Variants in UROS observed in about 807,000 individuals in gnomAD.
UROS encodes the protein uroporphyrinogen III synthase, also known as uroporphyrinogen-III synthase.
Under a neutral mutation model 33.0 loss-of-function variants are expected in UROS, and 18 were observed. The observed-to-expected ratio is 0.55, with a 90% confidence interval of 0.38 to 0.81. The LOEUF (loss-of-function observed/expected upper bound fraction) is 0.81, where lower values mean the gene tolerates loss of function less well. UROS is among the 30% of genes least tolerant of loss of function. The pLI, the probability that UROS is intolerant of heterozygous loss-of-function variation, is 0.00. For missense variants in UROS, 293 were observed against 314.9 expected (o/e 0.93, Z 0.53); for synonymous variants, 114 against 121.1 (o/e 0.94, Z 0.38).
chr10:125,796,933 T>G, intron 7 of UROS: 1 of 834,664 alleles, frequency 1.2e-6, no homozygotes, highest in Non-Finnish European at 1.4e-6. Context: ...TATTGCCATT[T>G]CATATCCCTG....
At chr10:125,814,109 A>G (rs1182728421) in intron 4 of UROS, among the ~76,000 whole-genome samples, 2 of 152,220 alleles carry the variant, frequency 1.3e-5, no homozygotes, top group Non-Finnish European at 2.9e-5. Flanking sequence ...CACAGGAAAA[A>G]GTATTCAGGA....
chr10:125,802,816 T>C, intron 6 of UROS: 1 of 1,468,360 alleles, frequency 6.8e-7, no homozygotes, highest in Non-Finnish European at 9.0e-7. Context: ...TGCGAGGCCC[T>C]GTGCGCTCCT....
intron 1 of UROS, 86 bp from the exon 2 acceptor site, chr10:125,816,611 A>C (rs1853351573): frequency 2.3e-6 from 3 of 1,330,430 alleles, no homozygotes; most frequent in South Asian, 1.2e-5. Flanking sequence ...CACAAGAAGA[A>C]GGCAATCAAA....
rs561513926 is a variant in UROS, at chr10:125,815,264, C to T, written c.148-134G>A. 26 of 964,470 alleles carry T rather than the reference C, an allele frequency of 2.7e-5. No homozygotes were observed. In the South Asian group the frequency reaches 3.6e-4, roughly 13 times the overall value. 59.7% of individuals were successfully genotyped at this position (964,470 alleles called of 1,614,324 possible). On this transcript the variant is annotated intron_variant, in intron 3 of 9. Coordinates refer to ENST00000368797, the MANE Select transcript of UROS (RefSeq NM_000375.3). ...TAATTCCTTCCACCCATCCCCCCAA[C>T]ACTTACTGAGTGCTTACTATGTGCC...
intron 8 of UROS, 75 bp from the exon 9 acceptor site, chr10:125,795,053 C>T: frequency 7.0e-7 from 1 of 1,424,700 alleles, no homozygotes; most frequent in Admixed American, 1.7e-5. Context: ...GCTTCATCCG[C>T]ATCAAGACCT....
intron 5 of UROS, 34 bp from the exon 6 acceptor site, chr10:125,807,521 C>T (rs370666580): frequency 2.0e-5 from 31 of 1,553,488 alleles, no homozygotes; most frequent in African/African-American, 4.1e-5. Flanking sequence ...TTTCTTAACA[C>T]GGTTATTGAA....
At chr10:125,802,085 A>G in intron 6 of UROS, 1 of 985,490 alleles carries the variant, frequency 1.0e-6, no homozygotes, top group Non-Finnish European at 1.2e-6. Flanking sequence ...ATTTATTTCT[A>G]CATTTTTAAA....
At chr10:125,818,017 T>A (rs1175825312) in intron 1 of UROS, among the ~76,000 whole-genome samples, 1 of 152,198 alleles carries the variant, frequency 6.6e-6, no homozygotes, top group Non-Finnish European at 1.5e-5. Flanking sequence ...TCTTAGGTAA[T>A]AAAACCGATG....
intron 3 of UROS, 74 bp downstream of exon 3, chr10:125,816,103 T>C: frequency 7.3e-7 from 1 of 1,376,554 alleles, no homozygotes; most frequent in Non-Finnish European, 1.0e-6. Context: ...GACAGTAAAA[T>C]AGTCCCTCTC....
chr10:125,798,949 A>G lies in UROS; in HGVS notation c.395-804T>C, dbSNP rs146920595. Among the ~76,000 whole-genome samples, 700 of 152,356 alleles carry G rather than the reference A, an allele frequency of 4.6e-3. 3 individuals are homozygous for G. The highest frequency in any genetic ancestry group is 0.015 in the African/African-American group (639 of 41,580). ...ATGTGAAAACACAGCATTTTAGTAG[A>G]ACCAGCCATTACCCCCCACATCCAT... On this transcript the variant is annotated intron_variant, in intron 6 of 9. Coordinates refer to ENST00000368797, the MANE Select transcript of UROS (RefSeq NM_000375.3).
chr10:125,807,566 A>G (rs1428191675), intron 5 of UROS, 79 bp from the exon 6 acceptor site: 16 of 1,088,706 alleles, frequency 1.5e-5, no homozygotes, highest in Non-Finnish European at 2.1e-5. Flanking sequence ...TTAACGTGCA[A>G]ATACACAGGT....
chr10:125,798,072 C>A lies in UROS; in HGVS notation c.468G>T (p.Lys156Asn). ...TCAAAGCATTCTACTCGCCTTTGTCCTTGAGCGCTTTTGGCAGGATTTCTC... is the reference window on the plus strand; with the variant it reads ...TCAAAGCATTCTACTCGCCTTTGTCATTGAGCGCTTTTGGCAGGATTTCTC... ...LKREILPKAL[K>N]DKGIAMESIT... The change falls in exon 7 of 10, where the codon AAG becomes AAT. Residue 156 changes from lysine to asparagine, a missense_variant. Transcript: ENST00000368797. 4 of 1,614,014 alleles carry A rather than the reference C, an allele frequency of 2.5e-6. No individual in the cohort carries two copies. Among genetic ancestry groups the A allele is most frequent in the Non-Finnish European group, 3.4e-6 (4 of 1,179,868 alleles).
At chr10:125,820,717 A>G (rs1853800268) in intron 1 of UROS, among the ~76,000 whole-genome samples, 1 of 152,168 alleles carries the variant, frequency 6.6e-6, no homozygotes, top group South Asian at 2.1e-4. Context: ...AGTCCCTGGG[A>G]GGTTTGAGTA....
intron 1 of UROS, among the ~76,000 whole-genome samples, chr10:125,818,927 C>T (rs574088555): frequency 3.2e-4 from 49 of 152,346 alleles, no homozygotes; most frequent in South Asian, 8.3e-4. Context: ...ACTTGTCCTT[C>T]AAGTTGCCTG....
downstream of UROS, among the ~76,000 whole-genome samples, chr10:125,786,149 A>T (rs1181487049): frequency 6.6e-6 from 1 of 152,170 alleles, no homozygotes; most frequent in African/African-American, 2.4e-5. Flanking sequence ...GGCACCTAGA[A>T]CATCTACGAA....
In UROS at chr10:125,788,909, T is replaced by C. The variant is rs1564768943; in HGVS notation, c.757A>G (p.Thr253Ala). ...GGCTGGAGAGCCTTCCTGATGCCAG[T>C]GGCCAGGGCTTGTGGCGTGGGGCTC... Reference protein sequence around the residue: ...AESPTPQALATGIRKALQPHG... With the variant: ...AESPTPQALAAGIRKALQPHG... Residue 253 changes from threonine to alanine, a missense_variant, in exon 10 of 10, where the codon ACT becomes GCT. Thr to Ala is a moderately conservative substitution (Grantham distance 58, BLOSUM62 0). Transcript: ENST00000368797. 2 of 1,606,128 alleles carry C rather than the reference T, an allele frequency of 1.2e-6. No homozygotes were observed. The highest frequency in any genetic ancestry group is 3.4e-5 in the Admixed American group (2 of 58,712).
At chr10:125,815,478 C>A (rs1853234138) in intron 3 of UROS, among the ~76,000 whole-genome samples, 1 of 152,104 alleles carries the variant, frequency 6.6e-6, no homozygotes, top group Admixed American at 6.6e-5. Flanking sequence ...GAAGACTTGA[C>A]CCGAATCTGT....
chr10:125,794,847 T>G (rs763548988), intron 9 of UROS, 33 bp downstream of exon 9: 1 of 1,566,006 alleles, frequency 6.4e-7, no homozygotes, highest in Non-Finnish European at 8.7e-7. Flanking sequence ...AAAAAGAATC[T>G]GAAAAAGACC....
At chr10:125,805,289 G>A (rs1429561802) in intron 6 of UROS, among the ~76,000 whole-genome samples, 1 of 152,208 alleles carries the variant, frequency 6.6e-6, no homozygotes, top group Admixed American at 6.5e-5. Flanking sequence ...CATCCCTGCA[G>A]GAGCCCCAGT....
Sources: allele counts gnomAD v4.1 joint callset (sites outside exome capture counted in the v4.1 genomes callset), GRCh38; gene constraint gnomAD v4.1.1; transcripts MANE v1.5; gene names NCBI Gene and HGNC (gene_info 2026-07-23, HGNC 2026-07-21).